The following ANKRD13C variants were observed in gnomAD, a reference collection of about 807,000 sequenced individuals.
ANKRD13C encodes the protein ankyrin repeat domain-containing protein 13C.
A neutral mutation model predicts 65.5 loss-of-function variants in ANKRD13C; 16 were observed. The observed-to-expected ratio is 0.24, with a 90% CI of 0.17 to 0.37. The LOEUF (loss-of-function observed/expected upper bound fraction) is 0.37, where lower values mean the gene tolerates loss of function less well. ANKRD13C is among the 10% of genes least tolerant of loss of function. ANKRD13C has a pLI of 1.00. For synonymous variants in ANKRD13C, 235 were observed against 238.7 expected (o/e 0.98, Z 0.14); for missense variants, 503 against 655.9 (o/e 0.77, Z 2.55).
intron 1 of ANKRD13C, among the ~76,000 whole-genome samples, chr1:70,344,762 C>G (rs555629031): frequency 3.2e-4 from 48 of 151,980 alleles, no homozygotes; most frequent in Non-Finnish European, 6.3e-4. Context: ...TTTTATACTT[C>G]TAAAAATTAT....
At chr1:70,313,467 C>T (rs896814991) in intron 5 of ANKRD13C, among the ~76,000 whole-genome samples, 1 of 148,934 alleles carries the variant, frequency 6.7e-6, no homozygotes, top group African/African-American at 2.5e-5. Context: ...GGGTTCGAGG[C>T]TGTAGTAAGC....
At chr1:70,312,908 C>CA (rs985208870) in intron 5 of ANKRD13C, among the ~76,000 whole-genome samples, 9 of 151,684 alleles carry the variant, frequency 5.9e-5, no homozygotes, top group African/African-American at 2.2e-4. Context: ...TAAATGACTG[C>CA]AAAAAAATCT....
intron 11 of ANKRD13C, among the ~76,000 whole-genome samples, chr1:70,274,473 CAAAAAAAAAAAA>C (rs769480539): frequency 2.1e-4 from 8 of 38,676 alleles, no homozygotes; most frequent in East Asian, 9.0e-4. Context: ...GACTCCATCT[CAAAAAAAAAAAA>C]AAAAAAAAAA....
At position 70,354,195 on chromosome 1, in the gene ANKRD13C, G is replaced by C. The variant is rs368944127; in HGVS notation, c.214C>G (p.Pro72Ala). ...AGCGGCAGAGCCGGGGCGCCGGGGG[G>C]ATTGGAGGAGGCCGGAGCTGCCTTC... Reference protein sequence around the residue: ...QLKAAPASSNPPGAPALPLHN... With the variant: ...QLKAAPASSNAPGAPALPLHN... Residue 72 changes from proline to alanine, a missense_variant, in exon 1 of 13, where the codon CCC becomes GCC. Pro to Ala is a conservative substitution (Grantham distance 27). Transcript: ENST00000370944. The C allele has an allele frequency of 1.9e-6, 3 of 1,613,884 alleles. No homozygotes were observed. Among genetic ancestry groups the C allele is most frequent in the Middle Eastern group, 1.6e-4 (1 of 6,062 alleles).
chr1:70,293,478 A>G (rs1284899000), intron 8 of ANKRD13C: 17 of 861,768 alleles, frequency 2.0e-5, no homozygotes, highest in Non-Finnish European at 2.2e-5. Context: ...AATGGGAACC[A>G]TAAGTATTAC....
At chr1:70,307,459 A>T (rs1414739390) in intron 5 of ANKRD13C, among the ~76,000 whole-genome samples, 1 of 152,184 alleles carries the variant, frequency 6.6e-6, no homozygotes, top group Non-Finnish European at 1.5e-5. Context: ...AAAAAATTTT[A>T]AATGCTGTAA....
At chr1:70,299,450 T>G (rs1007735319) in intron 7 of ANKRD13C, among the ~76,000 whole-genome samples, 6 of 152,214 alleles carry the variant, frequency 3.9e-5, no homozygotes, top group African/African-American at 1.4e-4. Context: ...ACATGTGGGA[T>G]AATTTAGAAG....
intron 3 of ANKRD13C, among the ~76,000 whole-genome samples, chr1:70,324,112 C>T (rs1423779510): frequency 6.6e-6 from 1 of 152,176 alleles, no homozygotes; most frequent in African/African-American, 2.4e-5. Flanking sequence ...GAGAGTTCCA[C>T]ATTATGCATT....
Position 70,334,293 on chromosome 1 carries a change from C to A in ANKRD13C, c.472+1765G>T, listed in dbSNP as rs1191558509. ...GTGAGCTAGGATCGCACCACTATAC[C>A]CCAGTTTGGGCAACGGAGCAAGACC... is the stretch of plus-strand genomic sequence containing the variant. On this transcript the variant is annotated intron_variant, in intron 2 of 12. Coordinates refer to ENST00000370944, the MANE Select transcript of ANKRD13C (RefSeq NM_030816.5). 2.0e-5 allele frequency among the ~76,000 whole-genome samples: 3 copies of A among 151,674 alleles called. No homozygotes were observed. The East Asian group carries it at 5.8e-4, about 29-fold the overall frequency.
rs114495835 is a variant in ANKRD13C at position 70,262,538 on chromosome 1, C to T, written c.*179G>A. 1 of 549,850 alleles carries T rather than the reference C, an allele frequency of 1.8e-6. No homozygotes were observed. Among genetic ancestry groups the T allele is most frequent in the East Asian group, 3.5e-5 (1 of 28,770 alleles). The allele number at this position is 549,850 out of a possible 1,614,324, so 34.1% of individuals were successfully genotyped here. A position where few individuals can be genotyped will look rare whatever the true frequency, so the allele number is the denominator to read the frequency against. On this transcript the variant is annotated 3_prime_UTR_variant, in exon 13 of 13. Coordinates refer to ENST00000370944, the MANE Select transcript of ANKRD13C (RefSeq NM_030816.5). ...TTTAAAAAGACAAAAAATGGCACATCAGAAAACTCGCTGAAATTCTTATTA... is the reference window on the plus strand; with the variant it reads ...TTTAAAAAGACAAAAAATGGCACATTAGAAAACTCGCTGAAATTCTTATTA...
chr1:70,321,078 T>C (rs1681286979), intron 3 of ANKRD13C, among the ~76,000 whole-genome samples: 1 of 152,330 alleles, frequency 6.6e-6, no homozygotes, highest in Non-Finnish European at 1.5e-5. Flanking sequence ...AAGAAAAATT[T>C]TGATTCTTGA....
chr1:70,342,930 C>T (rs1682378450), intron 1 of ANKRD13C, among the ~76,000 whole-genome samples: 1 of 152,098 alleles, frequency 6.6e-6, no homozygotes. Context: ...GGAGAGTCCA[C>T]CAGAGTCTAG....
intron 8 of ANKRD13C, 50 bp from the exon 9 acceptor site, chr1:70,292,599 T>C: frequency 7.3e-7 from 1 of 1,379,030 alleles, no homozygotes; most frequent in Non-Finnish European, 1.0e-6. Context: ...TTAAAAAAAG[T>C]GTCAAGGTAA....
At chr1:70,281,580 T>C (rs1363289424) in intron 9 of ANKRD13C, among the ~76,000 whole-genome samples, 1 of 151,486 alleles carries the variant, frequency 6.6e-6, no homozygotes, top group Non-Finnish European at 1.5e-5. Flanking sequence ...TTTTTACTTT[T>C]TTTTTGTAGA....
At chr1:70,276,970 T>C (rs1679167516) in intron 9 of ANKRD13C, 126 bp from the exon 10 acceptor site, 1 of 719,050 alleles carries the variant, frequency 1.4e-6, no homozygotes, top group Non-Finnish European at 2.1e-6. Context: ...TTCAATATAA[T>C]ACTTGAAAAG....
Position 70,336,048 on chromosome 1 carries a change from A to G in ANKRD13C, c.472+10T>C. ...GAAGTTAAACATAAAAAAAGAAAATATTTACTAACCTTTATTTCCTAACAT... is the reference window on the plus strand; with the variant it reads ...GAAGTTAAACATAAAAAAAGAAAATGTTTACTAACCTTTATTTCCTAACAT... On this transcript the variant is annotated intron_variant, in intron 2 of 12. Transcript: ENST00000370944. 1 of 808,838 alleles carries G rather than the reference A, an allele frequency of 1.2e-6. No individual in the cohort carries two copies. Among genetic ancestry groups the G allele is most frequent in the Non-Finnish European group, 1.7e-6 (1 of 574,724 alleles). 50.1% of individuals were successfully genotyped at this position (808,838 alleles called of 1,614,324 possible). A position where few individuals can be genotyped will look rare whatever the true frequency, so the allele number is the denominator to read the frequency against.
intron 10 of ANKRD13C, among the ~76,000 whole-genome samples, chr1:70,275,915 C>G (rs2101140011): frequency 7.0e-6 from 1 of 143,686 alleles, no homozygotes; most frequent in South Asian, 2.2e-4. Context: ...GAGCTGAGAT[C>G]ACGCCCACTG....
At chr1:70,272,390 T>C (rs1213465636) in intron 11 of ANKRD13C, among the ~76,000 whole-genome samples, 5 of 151,844 alleles carry the variant, frequency 3.3e-5, no homozygotes, top group Non-Finnish European at 7.4e-5. Flanking sequence ...CCGGCCAATT[T>C]TGTATTTTTA....
At chr1:70,338,903 G>A (rs1682175760) in intron 1 of ANKRD13C, among the ~76,000 whole-genome samples, 1 of 151,982 alleles carries the variant, frequency 6.6e-6, no homozygotes, top group African/African-American at 2.4e-5. Context: ...AATTTCCTAA[G>A]TTTAACTAAA....
Sources: gnomAD v4.1 joint callset for allele counts (sites outside exome capture counted in the v4.1 genomes callset) on GRCh38, gnomAD v4.1.1 for gene constraint, MANE v1.5 for transcripts, NCBI Gene and HGNC (gene_info 2026-07-23, HGNC 2026-07-21) for gene names.